The following DMXL1 variants were observed in gnomAD, a reference collection of about 807,000 sequenced individuals.
DMXL1 encodes the protein Dmx like 1.
In DMXL1, 99 loss-of-function variants were observed where a neutral mutation model predicts 319.2. That is an observed-to-expected ratio of 0.31 (90% confidence interval 0.26 to 0.37). The LOEUF is 0.37. DMXL1 is among the 10% of genes least tolerant of loss of function. The pLI is 1.00. For missense variants in DMXL1, 3,745 were observed against 3,595.6 expected, an observed-to-expected ratio of 1.04 and a Z score of -1.06; for synonymous variants, 1,385 against 1,235.2, an observed-to-expected ratio of 1.12 and a Z score of -2.54.
chr5:119,127,742 C>T lies in DMXL1; in HGVS notation c.1103-1469C>T, dbSNP rs1367548166. The T allele has an allele frequency of 4.8e-5, 12 of 251,932 alleles. 1 individual carries two copies. Among genetic ancestry groups the T allele is most frequent in the South Asian group, 4.1e-4 (9 of 21,950 alleles). The allele number at this position is 251,932 out of a possible 1,614,324, so 15.6% of individuals were successfully genotyped here. On this transcript the variant is annotated intron_variant, in intron 9 of 43. Transcript: ENST00000539542. ...ACATGAGCTGCTGCACCCAGCCAGT[C>T]CTTTATCTTTTTAACAAGTTTATTT...
At chr5:119,175,417 C>T in intron 26 of DMXL1, 80 bp downstream of exon 26, 1 of 965,920 alleles carries the variant, frequency 1.0e-6, no homozygotes, top group Non-Finnish European at 1.6e-6. Flanking sequence ...TGGTTTAGAA[C>T]TATATATAAC....
Position 119,134,074 on chromosome 5 carries a change from C to G in DMXL1, c.2150C>G (p.Ser717Cys). The G allele has an allele frequency of 6.2e-7, 1 of 1,614,162 alleles. No homozygotes were observed. The highest frequency in any genetic ancestry group is 8.5e-7 in the Non-Finnish European group (1 of 1,180,032). ...AGGGTTGACCCAGTTGGGCCATTGTCTTTTTCTGGAGGAGTTTCTGAGCTT... is the reference window on the plus strand; with the variant it reads ...AGGGTTGACCCAGTTGGGCCATTGTGTTTTTCTGGAGGAGTTTCTGAGCTT... ...LWRVDPVGPL[S>C]FSGGVSELAR... Residue 717 changes from serine (S) to cysteine (C), a missense_variant, in exon 12 of 44, where the codon TCT (serine) becomes TGT (cysteine). Physicochemically the swap from Ser to Cys is moderately radical, Grantham distance 112 (BLOSUM62 -1). Transcript: ENST00000539542.
chr5:119,187,087 A>G (rs1165144691), intron 28 of DMXL1, among the ~76,000 whole-genome samples: 3 of 152,276 alleles, frequency 2.0e-5, no homozygotes, highest in Admixed American at 6.5e-5. Flanking sequence ...AAAAAAAAAA[A>G]AGTGCTTCCT....
chr5:119,180,167 A>T (rs1433747881), intron 28 of DMXL1, among the ~76,000 whole-genome samples: 1 of 152,206 alleles, frequency 6.6e-6, no homozygotes, highest in Non-Finnish European at 1.5e-5. Context: ...AAGGAATTTC[A>T]GGTTTTAAGA....
intron 32 of DMXL1, among the ~76,000 whole-genome samples, chr5:119,201,264 G>A (rs1018827261): frequency 1.3e-5 from 2 of 152,130 alleles, no homozygotes; most frequent in Non-Finnish European, 2.9e-5. Context: ...CTTATTGAGA[G>A]TTTTTACATG....
At chr5:119,076,050 A>G (rs566310869) in intron 1 of DMXL1, among the ~76,000 whole-genome samples, 1 of 152,114 alleles carries the variant, frequency 6.6e-6, no homozygotes, top group Non-Finnish European at 1.5e-5. Flanking sequence ...GATTTGAATG[A>G]TATGGAAAGG....
chr5:119,171,329 T>C (rs762364674), intron 24 of DMXL1, 49 bp downstream of exon 24: 4 of 1,517,126 alleles, frequency 2.6e-6, no homozygotes, highest in Admixed American at 2.3e-5. Flanking sequence ...TAAAACTGTT[T>C]TTGGTGTTTC....
At chr5:119,241,591 C>T (rs1303086148) in intron 42 of DMXL1, among the ~76,000 whole-genome samples, 1 of 151,514 alleles carries the variant, frequency 6.6e-6, no homozygotes, top group Non-Finnish European at 1.5e-5. Context: ...GCAACTACAG[C>T]TGCAGACCTC....
At chr5:119,116,061 G>A (rs1432987464) in intron 6 of DMXL1, 97 bp from the exon 7 acceptor site, 1 of 1,144,868 alleles carries the variant, frequency 8.7e-7, no homozygotes, top group Non-Finnish European at 1.2e-6. Context: ...CCATCCCCAA[G>A]TTCTTGCCAT....
intron 1 of DMXL1, among the ~76,000 whole-genome samples, chr5:119,090,180 C>G (rs1403949608): frequency 6.6e-6 from 1 of 150,982 alleles, no homozygotes; most frequent in African/African-American, 2.4e-5. Context: ...ACCACCCCAC[C>G]CAGCTAATTT....
chr5:119,177,871 G>A, intron 27 of DMXL1, 125 bp from the exon 28 acceptor site: 1 of 813,968 alleles, frequency 1.2e-6, no homozygotes, highest in South Asian at 2.7e-5. Context: ...TGTGAATCTA[G>A]GGAAGAAAAT....
intron 1 of DMXL1, among the ~76,000 whole-genome samples, chr5:119,075,578 T>C (rs1030449620): frequency 3.3e-5 from 5 of 152,156 alleles, no homozygotes; most frequent in African/African-American, 1.2e-4. Context: ...AGGCATTTTA[T>C]CATCAACAAG....
intron 5 of DMXL1, among the ~76,000 whole-genome samples, chr5:119,110,536 A>G (rs1759347909): frequency 6.6e-6 from 1 of 152,234 alleles, no homozygotes; most frequent in South Asian, 2.1e-4. Context: ...CAAACTTGCC[A>G]AATTATATGA....
At chr5:119,132,547 G>T in intron 10 of DMXL1, 1 of 262,348 alleles carries the variant, frequency 3.8e-6, no homozygotes. Context: ...GGGCGCAGTG[G>T]CAGGCACCTG....
At chr5:119,214,268 A>G (rs1269189027) in intron 34 of DMXL1, among the ~76,000 whole-genome samples, 4 of 152,156 alleles carry the variant, frequency 2.6e-5, no homozygotes, top group East Asian at 3.9e-4. Context: ...TATTCACACT[A>G]TGATTACAGT....
intron 33 of DMXL1, among the ~76,000 whole-genome samples, chr5:119,205,758 A>G (rs929300224): frequency 6.6e-6 from 1 of 152,112 alleles, no homozygotes; most frequent in Non-Finnish European, 1.5e-5. Flanking sequence ...ATGGAATTAA[A>G]TAGAATATAG....
rs545174147 is a variant in DMXL1 at position 119,248,675 on chromosome 5, C to G, written c.*1456C>G. ...GGTAAAATGAATTTTGTAATATCCT[C>G]AGGATACTTTTATCTTAAAAGTATG... On this transcript the variant is annotated 3_prime_UTR_variant, in exon 44 of 44. Coordinates refer to ENST00000539542, the MANE Select transcript of DMXL1 (RefSeq NM_001290321.3). 1 of 152,516 alleles carries G rather than the reference C, an allele frequency of 6.6e-6. No individual in the cohort carries two copies. The highest frequency in any genetic ancestry group is 1.5e-5 in the Non-Finnish European group (1 of 67,898). The allele number at this position is 152,516 out of a possible 1,614,324, so 9.4% of individuals were successfully genotyped here.
chr5:119,176,126 C>T (rs1451456786), intron 26 of DMXL1, among the ~76,000 whole-genome samples: 1 of 151,942 alleles, frequency 6.6e-6, no homozygotes, highest in Non-Finnish European at 1.5e-5. Context: ...TCTTATTTAG[C>T]AAGAATTTAT....
chr5:119,127,851 A>G (rs1346074995), intron 9 of DMXL1: 6 of 321,278 alleles, frequency 1.9e-5, no homozygotes, highest in South Asian at 8.8e-5. Context: ...AACTATTGGC[A>G]TTTCTCTGGT....
Sources: allele counts gnomAD v4.1 joint callset (sites outside exome capture counted in the v4.1 genomes callset), GRCh38; gene constraint gnomAD v4.1.1; transcripts MANE v1.5; gene names NCBI Gene and HGNC (gene_info 2026-07-23, HGNC 2026-07-21).